Variants in LRRC37B observed in about 807,000 individuals in gnomAD.
LRRC37B encodes the protein leucine rich repeat containing 37B.
In LRRC37B, 28 loss-of-function variants were observed where a neutral mutation model predicts 98.3. The ratio of observed to expected loss-of-function variants is 0.28; its 90% CI spans 0.21 to 0.39. The LOEUF is 0.39. LRRC37B is among the 10% of genes least tolerant of loss of function. LRRC37B has a pLI of 1.00. For synonymous variants in LRRC37B, 364 were observed against 442.7 expected, an observed-to-expected ratio of 0.82 and a Z score of 2.23; for missense variants, 938 against 1,182.7, an observed-to-expected ratio of 0.79 and a Z score of 3.03.
At chr17:32,022,679 A>G (rs1232575940) in exon 1 of LRRC37B, 4 of 1,613,890 alleles carry the variant, frequency 2.5e-6, no homozygotes, top group South Asian at 2.2e-5. Context: ...CACCAGAGGA[A>G]CAGAAGGCCT....
upstream of LRRC37B, among the ~76,000 whole-genome samples, chr17:32,007,645 G>T (rs1187327184): frequency 6.6e-6 from 1 of 151,178 alleles, no homozygotes; most frequent in African/African-American, 2.4e-5. This position sits in a 1 kb window ranked among gnomAD's most constrained non-coding sequence, Gnocchi z 4.1. Flanking sequence ...AGCAGCCCGC[G>T]GCTCCCGCTG....
chr17:32,015,658 A>G (rs570757605), intron 1 of LRRC37B, among the ~76,000 whole-genome samples: 4 of 152,310 alleles, frequency 2.6e-5, no homozygotes, highest in South Asian at 2.1e-4. Flanking sequence ...AAAATCTACA[A>G]TGGTTTCTGG....
At chr17:32,019,328 G>T (rs555707063), upstream of LRRC37B, among the ~76,000 whole-genome samples, 34 of 152,268 alleles carry the variant, frequency 2.2e-4, no homozygotes, top group African/African-American at 7.9e-4. Context: ...ATTCAGTACA[G>T]TAACATACAG....
rs1265314650 is a variant in LRRC37B at position 32,043,591 on chromosome 17, A to G, written c.2205-2109A>G. Among the ~76,000 whole-genome samples, 3 of 152,148 alleles carry G rather than the reference A, an allele frequency of 2.0e-5. 1 individual carries two copies. Among genetic ancestry groups the G allele is most frequent in the Admixed American group, 2.0e-4 (3 of 15,268 alleles). ...AAAGAAACATCTTTGTGTCAGAGTTAAGGTTGCTATATAAGTAAAATGCTA... is the reference window on the plus strand; with the variant it reads ...AAAGAAACATCTTTGTGTCAGAGTTGAGGTTGCTATATAAGTAAAATGCTA... On this transcript the variant is annotated intron_variant, in intron 7 of 11. Coordinates refer to ENST00000327564, the Ensembl canonical transcript of LRRC37B.
chr17:32,029,479 A>G (rs557184685), intron 3 of LRRC37B, among the ~76,000 whole-genome samples: 2,340 of 150,940 alleles, frequency 0.016, 52 homozygotes, highest in African/African-American at 0.048. Context: ...ACTAGGAGGG[A>G]TAAATTGTTT....
chr17:32,029,120 A>C (rs71375496), intron 3 of LRRC37B, among the ~76,000 whole-genome samples: 2 of 151,298 alleles, frequency 1.3e-5, no homozygotes, highest in Non-Finnish European at 2.9e-5. Flanking sequence ...TCCTGCCTCA[A>C]CCTCCCGAGT....
At position 32,045,851 on chromosome 17, in the gene LRRC37B, C is replaced by A. The variant is rs752022577; in HGVS notation, c.2323+33C>A. ...CAAATTGCCTGGTGATAAATTGTTA[C>A]ATTATTTTAAGTATTTGTTTTTAAA... is the stretch of plus-strand genomic sequence containing the variant. On this transcript the variant is annotated intron_variant, in intron 8 of 11. Coordinates refer to ENST00000327564, the Ensembl canonical transcript of LRRC37B. 8.9e-6 allele frequency: 14 copies of A among 1,581,336 alleles called. No individual in the cohort carries two copies. The East Asian group carries it at 2.9e-4, about 33-fold the overall frequency.
upstream of LRRC37B, chr17:32,020,849 C>T (rs1308610355): frequency 1.4e-5 from 14 of 1,024,876 alleles, no homozygotes; most frequent in Non-Finnish European, 1.9e-5. Flanking sequence ...CCACCCCACC[C>T]CACCCCACCA....
At chr17:32,039,554 A>G (rs1318583470) in intron 7 of LRRC37B, among the ~76,000 whole-genome samples, 1 of 118,706 alleles carries the variant, frequency 8.4e-6, no homozygotes, top group African/African-American at 3.9e-5. Flanking sequence ...TTCTATATAT[A>G]TATTCTATAT....
chr17:32,027,709 C>T (rs1911008463), intron 2 of LRRC37B, 60 bp from the exon 6 acceptor site: 13 of 1,384,364 alleles, frequency 9.4e-6, no homozygotes, highest in South Asian at 8.3e-5. Context: ...GGAGATAGTC[C>T]TGTGTAGCAA....
upstream of LRRC37B, among the ~76,000 whole-genome samples, chr17:32,016,567 GA>G (rs1247452441): frequency 1.3e-5 from 2 of 152,126 alleles, no homozygotes; most frequent in African/African-American, 4.8e-5. Context: ...CCATTTTCTT[GA>G]ACGCAGTGGT....
Position 32,021,954 on chromosome 17 carries a change from G to A in LRRC37B, c.889G>A (p.Glu297Lys), listed in dbSNP as rs1212430671. The A allele has an allele frequency of 2.5e-6, 4 of 1,614,040 alleles. No homozygotes were observed. In the East Asian group the frequency reaches 6.7e-5, roughly 27 times the overall value. The change falls in exon 1 of 12, where the codon GAG becomes AAG. Residue 297 changes from glutamate (E) to lysine (K), a missense_variant. By Grantham distance (56) the Glu-to-Lys change is moderately conservative. Coordinates refer to ENST00000327564, the Ensembl canonical transcript of LRRC37B. ...TCTAGAGCCCAAAAGTCAAAATCCAGAGACCCTTGAAGACATCCAGTCCTC... is the reference window on the plus strand; with the variant it reads ...TCTAGAGCCCAAAAGTCAAAATCCAAAGACCCTTGAAGACATCCAGTCCTC...
At chr17:32,007,852 C>G, upstream of LRRC37B, 1 of 1,155,252 alleles carries the variant, frequency 8.7e-7, no homozygotes, top group African/African-American at 1.6e-5. This position sits in a 1 kb window ranked among gnomAD's most constrained non-coding sequence, Gnocchi z 4.1. Context: ...CGCCCCGCGC[C>G]GGCACCAGCG....
chr17:32,018,668 A>G (rs1308515689), upstream of LRRC37B, among the ~76,000 whole-genome samples: 3 of 152,078 alleles, frequency 2.0e-5, no homozygotes, highest in African/African-American at 7.2e-5. Context: ...GATACCAGAG[A>G]TGTGGGGGGA....
intron 3 of LRRC37B, among the ~76,000 whole-genome samples, chr17:32,029,623 C>G (rs1911058039): frequency 6.6e-6 from 1 of 151,914 alleles, no homozygotes; most frequent in Non-Finnish European, 1.5e-5. Context: ...ATATTCTAAA[C>G]TTGCAAAAGG....
chr17:32,041,084 G>A (rs1487363197), intron 7 of LRRC37B: 11 of 765,330 alleles, frequency 1.4e-5, no homozygotes, highest in East Asian at 7.4e-5. Flanking sequence ...TGGCGGAGGC[G>A]CAGCTGAACT....
exon 1 of LRRC37B, chr17:32,021,909 G>A: frequency 6.2e-7 from 1 of 1,614,154 alleles, no homozygotes; most frequent in Non-Finnish European, 8.5e-7. Flanking sequence ...TCCTGAGCAA[G>A]TTGGACTTTC....
At chr17:32,016,932 A>T (rs1386254624), upstream of LRRC37B, 1 of 152,142 alleles carries the variant, frequency 6.6e-6, no homozygotes, top group African/African-American at 2.4e-5. Context: ...CAGGATCTTC[A>T]TGACATTCAA....
chr17:32,040,673 C>A, intron 7 of LRRC37B: 2 of 779,694 alleles, frequency 2.6e-6, no homozygotes, highest in South Asian at 1.3e-5. Flanking sequence ...AGGTGAAGAA[C>A]CCCGGCTACC....
Sources: allele counts gnomAD v4.1 joint callset (sites outside exome capture counted in the v4.1 genomes callset), GRCh38; gene constraint gnomAD v4.1.1; non-coding constraint Gnocchi (gnomAD v3.1); transcripts MANE v1.5; gene names NCBI Gene and HGNC (gene_info 2026-07-23, HGNC 2026-07-21).